Variants in PADI3 observed in about 807,000 individuals in gnomAD.
PADI3 encodes peptidyl arginine deiminase 3.
PADI3 carries 53 observed loss-of-function variants against 71.5 expected under a neutral mutation model. The ratio of observed to expected loss-of-function variants is 0.74; its 90% CI spans 0.59 to 0.93. The LOEUF (loss-of-function observed/expected upper bound fraction) is 0.93. Among genes scored for constraint, PADI3 ranks in the 40% least tolerant of loss-of-function variants. PADI3 has a pLI of 0.00. For missense variants in PADI3, 821 were observed against 868.0 expected (o/e 0.95, Z 0.68); for synonymous variants, 361 against 347.5 (o/e 1.04, Z -0.43).
chr1:17,268,498 C>CTTTTTTTTTTTTTTTT (rs564947321), intron 6 of PADI3, among the ~76,000 whole-genome samples: 2 of 89,444 alleles, frequency 2.2e-5, no homozygotes, highest in African/African-American at 9.4e-5. Context: ...TAATAAGATG[C>CTTTTTTTTTTTTTTTT]TTTTTTTTTT....
intron 10 of PADI3, among the ~76,000 whole-genome samples, chr1:17,273,887 C>T (rs1013152042): frequency 1.2e-4 from 18 of 152,254 alleles, no homozygotes; most frequent in Admixed American, 1.0e-3. Context: ...GTTTCCTCAT[C>T]AGTAAAAATG....
chr1:17,255,275 G>T (rs1299032206), intron 1 of PADI3, among the ~76,000 whole-genome samples: 1 of 152,190 alleles, frequency 6.6e-6, no homozygotes, highest in African/African-American at 2.4e-5. Flanking sequence ...GATGCTGTTG[G>T]CCACCCTACC....
At chr1:17,260,374 T>C (rs1214760578) in intron 2 of PADI3, among the ~76,000 whole-genome samples, 1 of 152,130 alleles carries the variant, frequency 6.6e-6, no homozygotes, top group Non-Finnish European at 1.5e-5. Context: ...CGAGGGCTGA[T>C]AGGGACCAGG....
At chr1:17,269,650 G>A (rs536015913) in intron 6 of PADI3, among the ~76,000 whole-genome samples, 3 of 151,584 alleles carry the variant, frequency 2.0e-5, no homozygotes, top group South Asian at 4.2e-4. Context: ...ATGGATTCTC[G>A]CTCCATGCCC....
Position 17,280,425 on chromosome 1 carries a change from T to C in PADI3, c.1631T>C (p.Val544Ala), listed in dbSNP as rs753910774. 2.5e-6 allele frequency: 4 copies of C among 1,613,534 alleles called. No individual in the cohort carries two copies. The East Asian group carries it at 6.7e-5, about 27-fold the overall frequency. ...GACCTCATCAACTACAATAAGTTTG[T>C]GCAGGTACAAGGGCTGTGGTGTACC... ...NKDLINYNKF[V>A]QSCIDWNREV... The change falls in exon 14 of 16, where the codon GTG (valine) becomes GCG (alanine). Residue 544 changes from valine (V) to alanine (A), a missense_variant. Coordinates refer to ENST00000375460, the MANE Select transcript of PADI3 (RefSeq NM_016233.2).
At chr1:17,282,716 C>A in intron 15 of PADI3, 130 bp from the exon 16 acceptor site, 2 of 697,684 alleles carry the variant, frequency 2.9e-6, no homozygotes, top group Non-Finnish European at 4.8e-6. Flanking sequence ...CAGTTACCTT[C>A]TCATTGCACA....
intron 3 of PADI3, among the ~76,000 whole-genome samples, chr1:17,264,276 A>G (rs2073136567): frequency 6.6e-6 from 1 of 152,138 alleles, no homozygotes; most frequent in Non-Finnish European, 1.5e-5. Context: ...AAAATAACAT[A>G]GACAGAAAAG....
intron 1 of PADI3, among the ~76,000 whole-genome samples, chr1:17,251,265 C>A (rs902472124): frequency 1.1e-4 from 16 of 152,190 alleles, no homozygotes; most frequent in African/African-American, 3.6e-4. Flanking sequence ...GGAAGGGGAG[C>A]AGGACTGAGT....
intron 3 of PADI3, among the ~76,000 whole-genome samples, chr1:17,262,655 GA>G (rs1201937239): frequency 1.3e-5 from 2 of 152,138 alleles, no homozygotes; most frequent in Admixed American, 1.3e-4. Flanking sequence ...GAGTCAAATG[GA>G]AATGCTAGAC....
Position 17,276,883 on chromosome 1 carries a change from A to G in PADI3, c.1555+7A>G. Reference sequence around the variant, plus strand: ...CTGTTCCAGGGGGTTGTTGGTGGGTAACAGTGCCGTGTCCCTCCTTGCGGC... The same window carrying G: ...CTGTTCCAGGGGGTTGTTGGTGGGTGACAGTGCCGTGTCCCTCCTTGCGGC... On this transcript the variant is annotated splice_region_variant and intron_variant, in intron 13 of 15. Transcript: ENST00000375460. The G allele has an allele frequency of 6.2e-7, 1 of 1,604,968 alleles. No homozygotes were observed. Among genetic ancestry groups the G allele is most frequent in the Non-Finnish European group, 8.5e-7 (1 of 1,175,428 alleles).
intron 3 of PADI3, among the ~76,000 whole-genome samples, chr1:17,263,166 G>A (rs924233441): frequency 5.9e-5 from 9 of 152,252 alleles, no homozygotes; most frequent in East Asian, 1.9e-4. Flanking sequence ...TGCCTGCCTC[G>A]GCATCCCAAA....
At chr1:17,276,714 T>C in intron 12 of PADI3, 51 bp downstream of exon 12, 2 of 1,613,864 alleles carry the variant, frequency 1.2e-6, no homozygotes, top group African/African-American at 2.7e-5. Flanking sequence ...GGGCAAGAAC[T>C]GAGCTCCAGG....
intron 6 of PADI3, among the ~76,000 whole-genome samples, chr1:17,269,036 C>T (rs1175866011): frequency 2.6e-5 from 4 of 151,622 alleles, no homozygotes; most frequent in Non-Finnish European, 4.4e-5. Context: ...CAGGCATGTA[C>T]CACCACACCC....
At chr1:17,269,076 G>T (rs1226916851) in intron 6 of PADI3, among the ~76,000 whole-genome samples, 2 of 151,554 alleles carry the variant, frequency 1.3e-5, no homozygotes, top group African/African-American at 4.9e-5. Flanking sequence ...GTAAAGACAG[G>T]GTTTCACCAT....
intron 1 of PADI3, 113 bp from the exon 2 acceptor site, chr1:17,259,465 G>T (rs1483682160): frequency 2.3e-6 from 2 of 883,242 alleles, no homozygotes; most frequent in African/African-American, 1.7e-5. Flanking sequence ...GATCTGAGGG[G>T]ACTGGGTGGC....
intron 11 of PADI3, among the ~76,000 whole-genome samples, chr1:17,275,211 G>A (rs1490010027): frequency 2.0e-5 from 3 of 151,776 alleles, no homozygotes; most frequent in South Asian, 2.1e-4. Context: ...CAAGGCAGGC[G>A]GATCATGAGA....
chr1:17,275,427 A>C, intron 11 of PADI3, among the ~76,000 whole-genome samples: 1 of 107,380 alleles, frequency 9.3e-6, no homozygotes, highest in Non-Finnish European at 1.8e-5. Context: ...ACAGAGCGAG[A>C]CTCCGTCTCA....
In PADI3 at chr1:17,270,988, T is replaced by C; in HGVS notation, c.935+6T>C. On this transcript the variant is annotated splice_donor_region_variant and intron_variant, in intron 8 of 15. Coordinates refer to ENST00000375460, the MANE Select transcript of PADI3 (RefSeq NM_016233.2). ...CTAGAGGTGTATGTGTGCCGGTGAG[T>C]CTTGGGGCAGTGGGTGGTCCCTCTG... 1 of 1,613,680 alleles carries C rather than the reference T, an allele frequency of 6.2e-7. No individual in the cohort carries two copies. Among genetic ancestry groups the C allele is most frequent in the Non-Finnish European group, 8.5e-7 (1 of 1,179,772 alleles).
At chr1:17,269,557 C>CA (rs781206712) in intron 6 of PADI3, among the ~76,000 whole-genome samples, 11 of 152,134 alleles carry the variant, frequency 7.2e-5, no homozygotes, top group Non-Finnish European at 1.6e-4. Context: ...CACTCTTGTA[C>CA]AGAAATATTA....
Sources: gnomAD v4.1 joint callset for allele counts (sites outside exome capture counted in the v4.1 genomes callset) on GRCh38, gnomAD v4.1.1 for gene constraint, MANE v1.5 for transcripts, NCBI Gene and HGNC (gene_info 2026-07-23, HGNC 2026-07-21) for gene names.